The following COL5A2 variants were observed in gnomAD, a reference collection of about 807,000 sequenced individuals.
COL5A2 encodes the protein collagen alpha-2(V) chain.
COL5A2 carries 23 observed loss-of-function variants against 208.2 expected under a neutral mutation model. The observed-to-expected ratio is 0.11, with a 90% CI of 0.08 to 0.16. The LOEUF (loss-of-function observed/expected upper bound fraction) is 0.16. COL5A2 is among the 10% of genes least tolerant of loss of function. The probability of loss-of-function intolerance (pLI) is 1.00; values close to 1 mark genes in which losing one functional copy is unlikely to be tolerated. For synonymous variants in COL5A2, 625 were observed against 628.5 expected (o/e 0.99, Z 0.08); for missense variants, 1,590 against 1,956.4 (o/e 0.81, Z 3.53).
chr2:189,398,211 C>T, the COL5A2 span, among the ~76,000 whole-genome samples: 9 of 152,028 alleles, frequency 5.9e-5, no homozygotes, highest in Non-Finnish European at 7.4e-5. Context: ...TGTGTTGAGC[C>T]GGCCAAGCTA....
chr2:189,193,879 A>T (rs1023442922), intron 1 of COL5A2, among the ~76,000 whole-genome samples: 4 of 152,200 alleles, frequency 2.6e-5, no homozygotes, highest in Non-Finnish European at 5.9e-5. Flanking sequence ...TTAAAATCAG[A>T]TGCAATCATG....
chr2:189,125,866 A>T (rs1462768106), intron 1 of COL5A2, among the ~76,000 whole-genome samples: 3 of 152,006 alleles, frequency 2.0e-5, no homozygotes, highest in African/African-American at 7.2e-5. Flanking sequence ...ATTCAACATG[A>T]TTCTTCCTCA....
chr2:189,238,252 G>T, the COL5A2 span, among the ~76,000 whole-genome samples: 3 of 152,160 alleles, frequency 2.0e-5, no homozygotes, highest in African/African-American at 7.2e-5. Flanking sequence ...GAGGCAGACA[G>T]CAGGACATCT....
the COL5A2 span, among the ~76,000 whole-genome samples, chr2:189,285,204 C>A: frequency 6.6e-6 from 1 of 151,872 alleles, no homozygotes; most frequent in Non-Finnish European, 1.5e-5. Context: ...GTTCCTGCCC[C>A]TGAATGTGAG....
the COL5A2 span, chr2:189,311,144 G>C: frequency 1.6e-6 from 1 of 608,364 alleles, no homozygotes; most frequent in East Asian, 2.9e-5. Context: ...AGGGGCTGAA[G>C]TGGACCCCCA....
At chr2:189,114,748 A>C (rs777088420) in intron 1 of COL5A2, among the ~76,000 whole-genome samples, 13 of 151,950 alleles carry the variant, frequency 8.6e-5, no homozygotes, top group Non-Finnish European at 1.8e-4. Context: ...TAGTTAATGC[A>C]TGCTGGGCTT....
the COL5A2 span, among the ~76,000 whole-genome samples, chr2:189,394,439 AC>A: frequency 6.6e-6 from 1 of 152,142 alleles, no homozygotes; most frequent in Non-Finnish European, 1.5e-5. Context: ...CATGAGAGTT[AC>A]CTTATAAAGG....
At chr2:189,074,348 A>G (rs1222292085) in intron 17 of COL5A2, among the ~76,000 whole-genome samples, 2 of 152,250 alleles carry the variant, frequency 1.3e-5, no homozygotes, top group African/African-American at 4.8e-5. Flanking sequence ...CGTGAATTAA[A>G]GGTTCATAGT....
the COL5A2 span, among the ~76,000 whole-genome samples, chr2:189,393,729 T>C: frequency 6.6e-6 from 1 of 152,210 alleles, no homozygotes; most frequent in Non-Finnish European, 1.5e-5. Flanking sequence ...CCTTCATTCT[T>C]ATAGCTTCTA....
At chr2:189,313,000 G>A in the COL5A2 span, among the ~76,000 whole-genome samples, 3 of 152,012 alleles carry the variant, frequency 2.0e-5, no homozygotes, top group Non-Finnish European at 4.4e-5. Context: ...AAAATAGCTG[G>A]TATGAAGAAG....
chr2:189,391,744 G>A, the COL5A2 span, among the ~76,000 whole-genome samples: 2 of 152,002 alleles, frequency 1.3e-5, no homozygotes, highest in Admixed American at 6.6e-5. Flanking sequence ...TTTCTGAAAT[G>A]TAAAAAGAAA....
At chr2:189,205,382 G>T (rs979682427) in intron 1 of COL5A2, among the ~76,000 whole-genome samples, 3 of 152,160 alleles carry the variant, frequency 2.0e-5, no homozygotes, top group African/African-American at 7.2e-5. Flanking sequence ...GTGAGTAGCA[G>T]AAAAGGAATA....
chr2:189,065,150 T>A lies in COL5A2; in HGVS notation c.1564-93A>T, dbSNP rs539632798. ...TTTTTATTTTTAGCACTATAAAGTT[T>A]TAGGAGCCATCATCAAGCCAACATG... On this transcript the variant is annotated intron_variant, in intron 23 of 53. Coordinates refer to ENST00000374866, the MANE Select transcript of COL5A2 (RefSeq NM_000393.5). The A allele has an allele frequency of 5.1e-4, 601 of 1,172,778 alleles. 1 individual carries two copies. The highest frequency in any genetic ancestry group is 7.0e-4 in the Non-Finnish European group (559 of 800,478). The allele number at this position is 1,172,778 out of a possible 1,614,324, so 72.6% of individuals were successfully genotyped here.
intron 1 of COL5A2, among the ~76,000 whole-genome samples, chr2:189,201,906 G>A (rs1689071941): frequency 6.6e-6 from 1 of 151,444 alleles, no homozygotes; most frequent in Non-Finnish European, 1.5e-5. Flanking sequence ...ATACAAATAG[G>A]TAAATCTAAA....
intron 1 of COL5A2, among the ~76,000 whole-genome samples, chr2:189,170,038 T>G (rs1447947576): frequency 6.6e-6 from 1 of 152,212 alleles, no homozygotes; most frequent in East Asian, 1.9e-4. Flanking sequence ...AATAGTAATC[T>G]AATAATAATC....
At chr2:189,331,822 C>T in the COL5A2 span, among the ~76,000 whole-genome samples, 2 of 151,874 alleles carry the variant, frequency 1.3e-5, no homozygotes, top group Admixed American at 1.3e-4. Context: ...TGGTGACGGG[C>T]ACCTGTAGTC....
chr2:189,225,965 G>T (rs991798537), upstream of COL5A2, among the ~76,000 whole-genome samples: 3 of 152,116 alleles, frequency 2.0e-5, no homozygotes, highest in Non-Finnish European at 4.4e-5. Flanking sequence ...TTATTAAGCT[G>T]CATGACTTTG....
the COL5A2 span, among the ~76,000 whole-genome samples, chr2:189,351,457 G>A: frequency 1.3e-5 from 2 of 152,144 alleles, no homozygotes; most frequent in Admixed American, 1.3e-4. Context: ...TGATTAGACA[G>A]TTCTCTAAAT....
the COL5A2 span, among the ~76,000 whole-genome samples, chr2:189,267,916 A>G: frequency 1.3e-5 from 2 of 152,186 alleles, no homozygotes; most frequent in African/African-American, 4.8e-5. Flanking sequence ...CTTTTTTATC[A>G]ATCCATTTAT....
Sources: gnomAD v4.1 joint callset for allele counts (sites outside exome capture counted in the v4.1 genomes callset) on GRCh38, gnomAD v4.1.1 for gene constraint, MANE v1.5 for transcripts, NCBI Gene and HGNC (gene_info 2026-07-23, HGNC 2026-07-21) for gene names.